CDC42BPA: variants seen among roughly 807,000 people sequenced by gnomAD.
CDC42BPA encodes serine/threonine-protein kinase MRCK alpha.
CDC42BPA carries 80 observed loss-of-function variants against 223.5 expected under a neutral mutation model. That is an observed-to-expected ratio of 0.36 (90% CI 0.30 to 0.43). The LOEUF (loss-of-function observed/expected upper bound fraction) is 0.43. Among genes scored for constraint, CDC42BPA ranks in the 20% least tolerant of loss-of-function variants. CDC42BPA has a pLI of 1.00. For missense variants in CDC42BPA, 1,743 were observed against 2,099.9 expected, an observed-to-expected ratio of 0.83 and a Z score of 3.32; for synonymous variants, 694 against 718.6, an observed-to-expected ratio of 0.97 and a Z score of 0.55.
At chr1:227,065,885 C>A (rs968615277) in intron 21 of CDC42BPA, among the ~76,000 whole-genome samples, 3 of 152,220 alleles carry the variant, frequency 2.0e-5, no homozygotes, top group Non-Finnish European at 2.9e-5. Context: ...TAGTCTTATT[C>A]CCTTCTATAC....
chr1:227,179,609 C>T (rs1376834989), intron 5 of CDC42BPA, among the ~76,000 whole-genome samples: 1 of 108,370 alleles, frequency 9.2e-6, no homozygotes, highest in Non-Finnish European at 1.7e-5. Context: ...GCACTCCAGC[C>T]TGGGCAACAG....
intron 1 of CDC42BPA, among the ~76,000 whole-genome samples, chr1:227,259,042 T>C (rs1166588708): frequency 6.6e-6 from 1 of 151,122 alleles, no homozygotes; most frequent in Non-Finnish European, 1.5e-5. Flanking sequence ...TACTACATCA[T>C]CTAATGATAA....
intron 1 of CDC42BPA, among the ~76,000 whole-genome samples, chr1:227,273,945 GT>G (rs1484070118): frequency 6.8e-6 from 1 of 147,196 alleles, no homozygotes; most frequent in African/African-American, 2.5e-5. Context: ...GGAGGTGGTG[GT>G]GGGGGGAGGT....
chr1:227,049,694 A>G (rs1673141018), intron 22 of CDC42BPA, among the ~76,000 whole-genome samples: 1 of 152,192 alleles, frequency 6.6e-6, no homozygotes, highest in South Asian at 2.1e-4. Context: ...CCAATGCAGG[A>G]AAAACCAAAA....
In CDC42BPA at chr1:227,318,153, C is replaced by CGGGG. The variant is rs149726943; in HGVS notation, c.-975_-972dup. On this transcript the variant is annotated 5_prime_UTR_variant, in exon 1 of 37. Coordinates refer to ENST00000366766, the MANE Select transcript of CDC42BPA (RefSeq NM_001394014.1). ...CGCCGGAGGCTCCCGACGCCCCAGG[C>CGGGG]GGGGGGGTGCTTCTCTGAATTCAAA... The CGGGG allele has an allele frequency of 0.029, 4,800 of 166,004 alleles. 267 individuals carry two copies. Among genetic ancestry groups the CGGGG allele is most frequent in the African/African-American group, 0.11 (4,393 of 39,862 alleles). 10.3% of individuals were successfully genotyped at this position (166,004 alleles called of 1,614,324 possible).
intron 1 of CDC42BPA, among the ~76,000 whole-genome samples, chr1:227,290,406 C>T (rs1689500654): frequency 6.6e-6 from 1 of 152,110 alleles, no homozygotes; most frequent in Non-Finnish European, 1.5e-5. Flanking sequence ...ATCTTCATTG[C>T]TGCTACACTC....
intron 9 of CDC42BPA, among the ~76,000 whole-genome samples, chr1:227,141,866 G>A (rs1353797894): frequency 5.9e-5 from 9 of 152,144 alleles, no homozygotes; most frequent in Admixed American, 5.2e-4. Context: ...CTACTCAGGA[G>A]GCTGAGGCAG....
intron 2 of CDC42BPA, among the ~76,000 whole-genome samples, chr1:227,213,881 A>T (rs185516257): frequency 3.8e-3 from 583 of 152,306 alleles, no homozygotes; most frequent in Non-Finnish European, 6.4e-3. Flanking sequence ...TTATATTTCA[A>T]TTGCAGATCA....
In CDC42BPA at chr1:227,068,740, G is replaced by A. The variant is rs541579062; in HGVS notation, c.2904+1037C>T. The A allele has an allele frequency of 5.0e-5, 39 of 776,550 alleles. No individual in the cohort carries two copies. In the East Asian group the frequency reaches 5.0e-4, roughly 10 times the overall value. 48.1% of individuals were successfully genotyped at this position (776,550 alleles called of 1,614,324 possible). A position where few individuals can be genotyped will look rare whatever the true frequency, so the allele number is the denominator to read the frequency against. ...ACAGCAATAAAAAAATAGAAAATATGGATGAAGCAATTTAATAAGAATAAT... is the reference window on the plus strand; with the variant it reads ...ACAGCAATAAAAAAATAGAAAATATAGATGAAGCAATTTAATAAGAATAAT... On this transcript the variant is annotated intron_variant, in intron 21 of 36. Transcript: ENST00000366766.
intron 2 of CDC42BPA, among the ~76,000 whole-genome samples, chr1:227,219,757 A>G (rs1675507547): frequency 6.6e-6 from 1 of 152,148 alleles, no homozygotes; most frequent in South Asian, 2.1e-4. Context: ...CTTCATTTCT[A>G]AACCTACTAG....
chr1:227,120,255 CA>C (rs1283794334), intron 11 of CDC42BPA, among the ~76,000 whole-genome samples: 2 of 151,402 alleles, frequency 1.3e-5, no homozygotes, highest in Admixed American at 1.3e-4. Flanking sequence ...TAAAACCAAC[CA>C]AAAAAAGGGC....
chr1:227,163,105 CATATATGTGTGTATGTTTCCAAACAT>C (rs1390666878), intron 5 of CDC42BPA, among the ~76,000 whole-genome samples: 1 of 59,978 alleles, frequency 1.7e-5, no homozygotes, highest in East Asian at 4.0e-4. Context: ...TGTTTCCAAA[CATATATGTGTGTATGTTTCCAAACAT>C]ATGTGTGTGT....
At chr1:227,053,584 C>G (rs770262667) in intron 21 of CDC42BPA, among the ~76,000 whole-genome samples, 16 of 152,154 alleles carry the variant, frequency 1.1e-4, no homozygotes, top group Non-Finnish European at 2.1e-4. Flanking sequence ...GTTGGAGAGC[C>G]AGGCCTGTAT....
chr1:227,119,470 A>T (rs1001642553), intron 12 of CDC42BPA, among the ~76,000 whole-genome samples: 2 of 152,036 alleles, frequency 1.3e-5, no homozygotes, highest in Non-Finnish European at 2.9e-5. Context: ...ATATGCCTGT[A>T]TTTTAAATTT....
chr1:227,234,520 T>G (rs1678626966), intron 2 of CDC42BPA: 2 of 152,260 alleles, frequency 1.3e-5, no homozygotes, highest in South Asian at 4.1e-4. Context: ...AGATGTCTGC[T>G]GAAAACTGCT....
chr1:227,279,066 G>A (rs554279394), intron 1 of CDC42BPA, among the ~76,000 whole-genome samples: 5 of 150,950 alleles, frequency 3.3e-5, no homozygotes, highest in African/African-American at 1.2e-4. Context: ...AGTGTTTTGT[G>A]CAGAAGGTAT....
At chr1:227,037,655 A>G (rs11800705) in intron 24 of CDC42BPA, among the ~76,000 whole-genome samples, 43,143 of 152,098 alleles carry the variant, frequency 0.28, 6,347 homozygotes, top group African/African-American at 0.35. Context: ...GTCCCTTCCC[A>G]TTCTAACAGC....
At chr1:227,106,312 A>G (rs1685914522) in intron 14 of CDC42BPA, among the ~76,000 whole-genome samples, 1 of 152,114 alleles carries the variant, frequency 6.6e-6, no homozygotes, top group South Asian at 2.1e-4. Context: ...GTTGAGCTGT[A>G]GTTCTTCATA....
chr1:227,130,623 G>A (rs1656886714), intron 10 of CDC42BPA, among the ~76,000 whole-genome samples: 1 of 152,282 alleles, frequency 6.6e-6, no homozygotes, highest in South Asian at 2.1e-4. Flanking sequence ...GGGAGGCCAA[G>A]GCAGATGAAT....
Sources: gnomAD v4.1 joint callset for allele counts (sites outside exome capture counted in the v4.1 genomes callset) on GRCh38, gnomAD v4.1.1 for gene constraint, MANE v1.5 for transcripts, NCBI Gene and HGNC (gene_info 2026-07-23, HGNC 2026-07-21) for gene names.